MYRIP: variants seen among roughly 807,000 people sequenced by gnomAD.
The protein encoded by MYRIP is myosin VIIA and Rab interacting protein.
Under a neutral mutation model 98.0 loss-of-function variants are expected in MYRIP, and 49 were observed. That is an observed-to-expected ratio of 0.50 (90% CI 0.40 to 0.63). The LOEUF (loss-of-function observed/expected upper bound fraction) is 0.63. MYRIP is among the 30% of genes least tolerant of loss of function. The pLI, the probability that MYRIP is intolerant of heterozygous loss-of-function variation, is 0.00. For synonymous variants in MYRIP, 404 were observed against 409.5 expected (o/e 0.99, Z 0.16); for missense variants, 1,004 against 1,058.2 (o/e 0.95, Z 0.71).
intron 10 of MYRIP, among the ~76,000 whole-genome samples, chr3:40,207,621 A>G (rs1251273929): frequency 6.6e-6 from 1 of 152,250 alleles, no homozygotes; most frequent in Non-Finnish European, 1.5e-5. Context: ...CAAACAAAGT[A>G]TGAAAGAACA....
At chr3:40,142,140 C>T (rs1949914505) in intron 3 of MYRIP, among the ~76,000 whole-genome samples, 1 of 148,202 alleles carries the variant, frequency 6.7e-6, no homozygotes, top group Non-Finnish European at 1.5e-5. Flanking sequence ...GCAACCTCTG[C>T]CTCCCAGGTT....
chr3:40,186,571 C>G (rs1210520079), intron 9 of MYRIP, among the ~76,000 whole-genome samples: 4 of 152,184 alleles, frequency 2.6e-5, no homozygotes, highest in African/African-American at 9.7e-5. Flanking sequence ...CTCCCCTACT[C>G]ATTGGTTGAG....
intron 8 of MYRIP, among the ~76,000 whole-genome samples, chr3:40,181,259 T>C (rs1950876949): frequency 6.6e-6 from 1 of 152,118 alleles, no homozygotes. Flanking sequence ...TGGGTCCAGC[T>C]CCAAAGCACC....
At chr3:39,934,468 G>A (rs1307295290) in intron 2 of MYRIP, among the ~76,000 whole-genome samples, 2 of 152,106 alleles carry the variant, frequency 1.3e-5, no homozygotes, top group Non-Finnish European at 1.5e-5. Context: ...AGCTGGAGGA[G>A]AGCCCAAACC....
chr3:39,915,590 AAG>A (rs1465426142), intron 2 of MYRIP, among the ~76,000 whole-genome samples: 1 of 152,004 alleles, frequency 6.6e-6, no homozygotes, highest in African/African-American at 2.4e-5. Flanking sequence ...TATCTTTTAA[AAG>A]ACTCTCTCCA....
chr3:40,134,831 T>C (rs1174735838), intron 3 of MYRIP, among the ~76,000 whole-genome samples: 1 of 152,102 alleles, frequency 6.6e-6, no homozygotes, highest in East Asian at 1.9e-4. Context: ...TCCTGACTGT[T>C]AGAAGGAAAA....
At chr3:40,254,219 C>G (rs1015129885) in intron 16 of MYRIP, among the ~76,000 whole-genome samples, 2 of 152,142 alleles carry the variant, frequency 1.3e-5, no homozygotes, top group Admixed American at 6.5e-5. Flanking sequence ...AGGTCTATGC[C>G]TTTCTCCGAA....
chr3:39,847,863 T>C (rs1942015883), intron 1 of MYRIP, among the ~76,000 whole-genome samples: 1 of 152,192 alleles, frequency 6.6e-6, no homozygotes, highest in Non-Finnish European at 1.5e-5. Context: ...CCCAAGGATT[T>C]CCCTGAATCC....
Position 40,170,739 on chromosome 3 carries a change from C to G in MYRIP, c.873+646C>G, listed in dbSNP as rs555841750. On this transcript the variant is annotated intron_variant, in intron 8 of 16. Transcript: ENST00000302541. ...TGGGTGGGGCAGGTTCTGCAAGAAA[C>G]TGAGGGACTGGCCAGTAGGGCTCTG... Among the ~76,000 whole-genome samples the G allele has an allele frequency of 7.9e-5, 12 of 152,276 alleles. No individual in the cohort carries two copies. The East Asian group carries it at 2.3e-3, about 29-fold the overall frequency.
intron 2 of MYRIP, among the ~76,000 whole-genome samples, chr3:39,963,858 A>C (rs1364159983): frequency 6.6e-6 from 1 of 152,172 alleles, no homozygotes; most frequent in South Asian, 2.1e-4. Flanking sequence ...TATATGTTAG[A>C]AATCTACATT....
intron 12 of MYRIP, 72 bp from the exon 13 acceptor site, chr3:40,244,374 G>A: frequency 7.1e-7 from 1 of 1,414,610 alleles, no homozygotes; most frequent in Non-Finnish European, 9.4e-7. Context: ...GAATTGCTGG[G>A]GTCCCCTCAA....
intron 3 of MYRIP, among the ~76,000 whole-genome samples, chr3:40,076,824 A>G (rs1220907089): frequency 6.6e-6 from 1 of 152,090 alleles, no homozygotes; most frequent in Non-Finnish European, 1.5e-5. Flanking sequence ...GTATTACCTT[A>G]CCCTCCCACG....
intron 2 of MYRIP, among the ~76,000 whole-genome samples, chr3:39,918,210 G>C (rs376711078): frequency 6.6e-6 from 1 of 152,120 alleles, no homozygotes; most frequent in East Asian, 1.9e-4. Flanking sequence ...CACCGCGCCC[G>C]GCCCTGACTT....
chr3:40,084,327 AG>A (rs1948557768), intron 3 of MYRIP, among the ~76,000 whole-genome samples: 3 of 75,652 alleles, frequency 4.0e-5, no homozygotes, highest in African/African-American at 1.7e-4. Flanking sequence ...ATATATCGAT[AG>A]ATAATACACA....
At chr3:40,257,020 T>C (rs140831758) in intron 16 of MYRIP, among the ~76,000 whole-genome samples, 10 of 152,286 alleles carry the variant, frequency 6.6e-5, no homozygotes, top group Admixed American at 1.3e-4. Context: ...TAAAGAGAAG[T>C]GCATTCAGTA....
intron 2 of MYRIP, among the ~76,000 whole-genome samples, chr3:39,960,891 C>G (rs1945306632): frequency 6.6e-6 from 1 of 152,108 alleles, no homozygotes; most frequent in South Asian, 2.1e-4. Flanking sequence ...AAATCGATAC[C>G]TCCCCCTCAT....
At chr3:40,042,288 T>TAAAAA (rs66600615) in intron 2 of MYRIP, among the ~76,000 whole-genome samples, 4 of 112,580 alleles carry the variant, frequency 3.6e-5, no homozygotes, top group African/African-American at 1.0e-4. Context: ...ACTGGAAGGA[T>TAAAAA]AAAAAAAAAA....
At chr3:40,043,348 CT>C (rs893223064) in intron 2 of MYRIP, among the ~76,000 whole-genome samples, 2 of 150,948 alleles carry the variant, frequency 1.3e-5, no homozygotes, top group East Asian at 1.9e-4. Context: ...AATTTTTTTT[CT>C]TTTTTTTTCC....
At chr3:40,096,877 AG>A in intron 3 of MYRIP, among the ~76,000 whole-genome samples, 1 of 152,348 alleles carries the variant, frequency 6.6e-6, no homozygotes, top group East Asian at 1.9e-4. Flanking sequence ...AGCTTGGCAA[AG>A]CTTGTGCTGC....
Sources: gnomAD v4.1 joint callset for allele counts (sites outside exome capture counted in the v4.1 genomes callset) on GRCh38, gnomAD v4.1.1 for gene constraint, MANE v1.5 for transcripts, NCBI Gene and HGNC (gene_info 2026-07-23, HGNC 2026-07-21) for gene names.